Variants in DMD observed in about 807,000 individuals in gnomAD.
The protein encoded by DMD is dystrophin.
A neutral mutation model predicts 330.1 loss-of-function variants in DMD; 63 were observed. The observed-to-expected ratio is 0.19, with a 90% CI of 0.16 to 0.24. The LOEUF (loss-of-function observed/expected upper bound fraction) is 0.24. Ranked by LOEUF, DMD falls within the 10% of genes least tolerant of loss-of-function variation. The pLI, the probability that DMD is intolerant of heterozygous loss-of-function variation, is 1.00. For missense variants in DMD, 3,344 were observed against 2,684.1 expected (o/e 1.25, Z -5.43); for synonymous variants, 1,223 against 959.8 (o/e 1.27, Z -5.07).
chrX:32,071,069 G>A (rs779964456), intron 44 of DMD, among the ~76,000 whole-genome samples: 24 of 111,049 alleles, frequency 2.2e-4, no homozygotes, highest in South Asian at 1.1e-3. Flanking sequence ...TATCATTGTC[G>A]GACATTTGGG....
intron 60 of DMD, among the ~76,000 whole-genome samples, chrX:31,372,928 C>T (rs868789271): frequency 1.8e-5 from 2 of 111,527 alleles, no homozygotes; most frequent in East Asian, 2.8e-4. Context: ...AAAACCCCAT[C>T]GTCTCAACCC....
chrX:32,878,852 A>C (rs1009135594), intron 2 of DMD, among the ~76,000 whole-genome samples: 4 of 108,100 alleles, frequency 3.7e-5, no homozygotes, highest in Non-Finnish European at 7.7e-5. Flanking sequence ...TATTAAAAAC[A>C]CAAAAATTAG....
chrX:31,988,268 C>T (rs1410055578), intron 44 of DMD, among the ~76,000 whole-genome samples: 19 of 109,089 alleles, frequency 1.7e-4, no homozygotes, highest in African/African-American at 4.3e-4. Flanking sequence ...GTCAGGAGAT[C>T]GAGAACAACC....
At chrX:32,918,854 C>G (rs184624247) in intron 2 of DMD, among the ~76,000 whole-genome samples, 1 of 111,653 alleles carries the variant, frequency 9.0e-6, no homozygotes, top group Non-Finnish European at 1.9e-5. Context: ...AATATGATAC[C>G]TGCTATTGTA....
chrX:32,982,099 G>A (rs944225160), intron 2 of DMD, among the ~76,000 whole-genome samples: 2 of 111,637 alleles, frequency 1.8e-5, no homozygotes. Flanking sequence ...TATAATATAT[G>A]TCACCCTAGC....
intron 1 of DMD, among the ~76,000 whole-genome samples, chrX:33,085,122 ATT>A (rs2094985723): frequency 9.0e-6 from 1 of 111,664 alleles, no homozygotes; most frequent in Non-Finnish European, 1.9e-5. Flanking sequence ...TGTACAAAAC[ATT>A]TTTAAACCTA....
chrX:32,955,611 C>T (rs2091529985), intron 2 of DMD, among the ~76,000 whole-genome samples: 1 of 111,747 alleles, frequency 8.9e-6, no homozygotes, highest in Non-Finnish European at 1.9e-5. Context: ...AAACCTTTGT[C>T]TGTTCCTATG....
At chrX:32,676,525 A>G (rs571004436) in intron 9 of DMD, among the ~76,000 whole-genome samples, 13 of 111,594 alleles carry the variant, frequency 1.2e-4, no homozygotes, top group African/African-American at 4.2e-4. Flanking sequence ...TGAGAATATG[A>G]TTGAAATTCT....
Position 32,130,777 on chromosome X carries a change from A to G in DMD, c.6438+86139T>C, listed in dbSNP as rs763890427. Reference sequence around the variant, plus strand: ...CTTTTCAAATGTCATTTCCTCAAACAAAAGTCCTTCTCTGGCTTCTCTGTC... The same window carrying G: ...CTTTTCAAATGTCATTTCCTCAAACGAAAGTCCTTCTCTGGCTTCTCTGTC... On this transcript the variant is annotated intron_variant, in intron 44 of 78. Coordinates refer to ENST00000357033, the MANE Select transcript of DMD (RefSeq NM_004006.3). Among the ~76,000 whole-genome samples, 33 of 112,339 alleles carry G rather than the reference A, an allele frequency of 2.9e-4. No homozygotes were observed. In the South Asian group the frequency reaches 0.012, roughly 40 times the overall value.
intron 38 of DMD, among the ~76,000 whole-genome samples, 177 bp downstream of exon 38, chrX:32,348,229 C>T (rs1287724984): frequency 9.0e-6 from 1 of 110,985 alleles, no homozygotes; most frequent in African/African-American, 3.3e-5. Context: ...ATTACCATAC[C>T]ATAGTAATTC....
At chrX:32,330,949 C>A (rs1052674197) in intron 41 of DMD, among the ~76,000 whole-genome samples, 3 of 111,356 alleles carry the variant, frequency 2.7e-5, no homozygotes, top group Admixed American at 1.9e-4. Flanking sequence ...ACGATCACTA[C>A]CCCCATCATC....
chrX:32,117,095 T>G (rs1428678475), intron 44 of DMD, among the ~76,000 whole-genome samples: 1 of 111,435 alleles, frequency 9.0e-6, no homozygotes, highest in Non-Finnish European at 1.9e-5. Context: ...GTAAATTTCC[T>G]CATGTTTCTA....
intron 60 of DMD, among the ~76,000 whole-genome samples, chrX:31,431,648 C>T (rs982773888): frequency 9.0e-5 from 10 of 111,313 alleles, no homozygotes; most frequent in African/African-American, 3.3e-4. Context: ...CCACCCGCCT[C>T]GGCCTCCCAA....
At chrX:32,260,942 G>T in intron 43 of DMD, among the ~76,000 whole-genome samples, 1 of 95,090 alleles carries the variant, frequency 1.1e-5, no homozygotes, top group South Asian at 3.9e-4. Flanking sequence ...CTAAGTTAGG[G>T]TTTATAAGTG....
chrX:32,084,090 T>A (rs1368339689), intron 44 of DMD, among the ~76,000 whole-genome samples: 1 of 112,439 alleles, frequency 8.9e-6, no homozygotes, highest in East Asian at 2.8e-4. Context: ...TACTAATATT[T>A]AAAATGAACT....
chrX:31,728,277 G>A (rs7064068), intron 52 of DMD, among the ~76,000 whole-genome samples: 9,654 of 111,366 alleles, frequency 0.087, 378 homozygotes, highest in African/African-American at 0.15. Flanking sequence ...CGCCCGCCTC[G>A]GCCTCCCCAA....
At chrX:32,802,312 C>T (rs751665699) in intron 7 of DMD, among the ~76,000 whole-genome samples, 37 of 111,226 alleles carry the variant, frequency 3.3e-4, no homozygotes, top group African/African-American at 1.0e-3. Flanking sequence ...TGTTTATTAT[C>T]GGTGTATAGG....
intron 41 of DMD, among the ~76,000 whole-genome samples, chrX:32,328,918 T>C (rs2097665541): frequency 9.0e-6 from 1 of 111,589 alleles, no homozygotes; most frequent in African/African-American, 3.3e-5. Flanking sequence ...TTATGGACCA[T>C]TGAAAACTTC....
chrX:31,147,366 T>C lies in DMD; in HGVS notation c.10706A>G (p.Lys3569Arg). Residue 3569 changes from lysine to arginine, a missense_variant, in exon 75 of 79, where the codon AAA becomes AGA. Lys to Arg is a conservative substitution (Grantham distance 26, BLOSUM62 2). Transcript: ENST00000357033. ...TTGCATCCTGGCTTCCAGGCGGCCT[T>C]TGTGTTGACGCAGTAGCTTGGCCTC... ...IAEAKLLRQH[K>R]GRLEARMQIL... 8.3e-7 allele frequency: 1 copy of C among 1,209,655 alleles called. No homozygotes were observed. The highest frequency in any genetic ancestry group is 1.1e-6 in the Non-Finnish European group (1 of 894,921).
Sources: gnomAD v4.1 joint callset for allele counts (sites outside exome capture counted in the v4.1 genomes callset) on GRCh38, gnomAD v4.1.1 for gene constraint, MANE v1.5 for transcripts, NCBI Gene and HGNC (gene_info 2026-07-23, HGNC 2026-07-21) for gene names.